Variants in CINP observed in about 807,000 individuals in gnomAD.
The protein encoded by CINP is cyclin dependent kinase 2 interacting protein.
In CINP, 11 loss-of-function variants were observed where a neutral mutation model predicts 20.5. That is an observed-to-expected ratio of 0.54 (90% CI 0.34 to 0.89). The LOEUF (loss-of-function observed/expected upper bound fraction) is 0.89. Among genes scored for constraint, CINP ranks in the 40% least tolerant of loss-of-function variants. CINP has a pLI of 0.02. For missense variants in CINP, 213 were observed against 251.0 expected (o/e 0.85, Z 1.02); for synonymous variants, 108 against 102.1 (o/e 1.06, Z -0.35).
rs1049302059 is a variant in CINP, at chr14:102,357,497, C to T, written c.177-1600G>A. Among the ~76,000 whole-genome samples the T allele has an allele frequency of 2.6e-5, 4 of 151,776 alleles. No homozygotes were observed. The Middle Eastern group carries it at 0.01, about 390-fold the overall frequency. On this transcript the variant is annotated intron_variant, in intron 2 of 4. Transcript: ENST00000216756. Reference sequence around the variant, plus strand: ...TTACTGAAGAAAATTAAAGGTGCTACTCCAGTGAACATGTGAATGATGAGT... The same window carrying T: ...TTACTGAAGAAAATTAAAGGTGCTATTCCAGTGAACATGTGAATGATGAGT...
intron 3 of CINP, among the ~76,000 whole-genome samples, chr14:102,350,988 G>A (rs1886856056): frequency 6.6e-6 from 1 of 151,972 alleles, no homozygotes; most frequent in Non-Finnish European, 1.5e-5. Flanking sequence ...ACCACGCCCA[G>A]CTAATTTGTG....
At chr14:102,348,930 T>C (rs924084390) in intron 4 of CINP, among the ~76,000 whole-genome samples, 171 bp from the exon 5 acceptor site, 2 of 152,102 alleles carry the variant, frequency 1.3e-5, no homozygotes, top group Admixed American at 1.3e-4. Context: ...TTAGTACAAT[T>C]TGATAACATG....
chr14:102,352,925 A>G (rs974369099), intron 3 of CINP, among the ~76,000 whole-genome samples: 4 of 151,914 alleles, frequency 2.6e-5, no homozygotes, highest in African/African-American at 9.7e-5. Flanking sequence ...CTGGGATTAC[A>G]GGCATGAGCC....
At chr14:102,358,292 A>G (rs1370908765) in intron 2 of CINP, among the ~76,000 whole-genome samples, 1 of 152,256 alleles carries the variant, frequency 6.6e-6, no homozygotes, top group Middle Eastern at 3.2e-3. Context: ...CCAGTGTGAG[A>G]GGTCTAATGT....
At chr14:102,356,987 A>G (rs1023455806) in intron 2 of CINP, among the ~76,000 whole-genome samples, 1 of 152,200 alleles carries the variant, frequency 6.6e-6, no homozygotes, top group Non-Finnish European at 1.5e-5. Flanking sequence ...AGAGTTGCAT[A>G]TCTCTCATTT....
At chr14:102,358,874 A>G (rs1001619695) in intron 2 of CINP, among the ~76,000 whole-genome samples, 1 of 152,124 alleles carries the variant, frequency 6.6e-6, no homozygotes, top group Admixed American at 6.6e-5. Flanking sequence ...TGAAAACCCA[A>G]TCATTATGCC....
In CINP at chr14:102,351,916, G is replaced by A. The variant is rs1233100936; in HGVS notation, c.307-1868C>T. Among the ~76,000 whole-genome samples, 7 of 151,930 alleles carry A rather than the reference G, an allele frequency of 4.6e-5. No homozygotes were observed. Among genetic ancestry groups the A allele is most frequent in the South Asian group, 2.1e-4 (1 of 4,818 alleles). Reference sequence around the variant, plus strand: ...TTTGTTTTTTTTGAGACAGAGTCTCGCTTTGTCACCCAGGCTGGAGTGCAG... The same window carrying A: ...TTTGTTTTTTTTGAGACAGAGTCTCACTTTGTCACCCAGGCTGGAGTGCAG... On this transcript the variant is annotated intron_variant, in intron 3 of 4. Coordinates refer to ENST00000216756, the MANE Select transcript of CINP (RefSeq NM_032630.3). This position sits in a 1 kb window ranked among gnomAD's most constrained non-coding sequence, Gnocchi z 4.2.
At chr14:102,359,071 G>A (rs991606182) in intron 2 of CINP, among the ~76,000 whole-genome samples, 1 of 151,602 alleles carries the variant, frequency 6.6e-6, no homozygotes, top group African/African-American at 2.4e-5. Flanking sequence ...TGTGGTGACG[G>A]GCGCCTGTAA....
intron 3 of CINP, 126 bp downstream of exon 3, chr14:102,355,642 C>T: frequency 9.5e-7 from 1 of 1,049,308 alleles, no homozygotes; most frequent in Non-Finnish European, 1.4e-6. Flanking sequence ...ACGCAGCAGG[C>T]AGAGGAAGAG....
At chr14:102,352,020 G>A (rs1018061507) in intron 3 of CINP, among the ~76,000 whole-genome samples, 2 of 152,272 alleles carry the variant, frequency 1.3e-5, no homozygotes, top group Non-Finnish European at 2.9e-5. Context: ...AAGTAGCTGG[G>A]ACTACAGGCG....
chr14:102,361,014 C>T (rs914346739), intron 1 of CINP, among the ~76,000 whole-genome samples: 2 of 152,182 alleles, frequency 1.3e-5, no homozygotes, highest in African/African-American at 4.8e-5. Context: ...TTTCATGGAA[C>T]TTACTTTCCA....
intron 4 of CINP, among the ~76,000 whole-genome samples, chr14:102,349,265 A>G (rs1183397542): frequency 5.3e-5 from 8 of 152,142 alleles, no homozygotes; most frequent in African/African-American, 1.7e-4. Context: ...AAAAAAGTAT[A>G]TATAACCTTT....
intron 2 of CINP, among the ~76,000 whole-genome samples, chr14:102,356,857 G>A (rs1567306133): frequency 2.0e-5 from 3 of 152,106 alleles, no homozygotes; most frequent in Admixed American, 1.3e-4. Context: ...CTGCTCCACT[G>A]ACCGGCTGCT....
chr14:102,348,539 C>T lies in CINP; in HGVS notation c.*18G>A, dbSNP rs369642134. ...GTGAGACGTGGAAGGAGCCAGTGTC[C>T]GCAGCCGTCTCAGGACGTCAGAGAG... On this transcript the variant is annotated 3_prime_UTR_variant, in exon 5 of 5. Coordinates refer to ENST00000216756, the MANE Select transcript of CINP (RefSeq NM_032630.3). 94 of 1,598,942 alleles carry T rather than the reference C, an allele frequency of 5.9e-5. No homozygotes were observed. The highest frequency in any genetic ancestry group is 6.8e-5 in the Admixed American group (4 of 58,766).
In CINP at chr14:102,348,396, G is replaced by A; in HGVS notation, c.*161C>T. 1 of 648,966 alleles carries A rather than the reference G, an allele frequency of 1.5e-6. No homozygotes were observed. The highest frequency in any genetic ancestry group is 2.6e-6 in the Non-Finnish European group (1 of 382,822). 40.2% of individuals were successfully genotyped at this position (648,966 alleles called of 1,614,324 possible). Reference sequence around the variant, plus strand: ...GGGGCTGGCCGCGGGTTGTGGGCATGAGCACGCCTGGAGAGGCCATGGGGC... The same window carrying A: ...GGGGCTGGCCGCGGGTTGTGGGCATAAGCACGCCTGGAGAGGCCATGGGGC... On this transcript the variant is annotated 3_prime_UTR_variant, in exon 5 of 5. Coordinates refer to ENST00000216756, the MANE Select transcript of CINP (RefSeq NM_032630.3).
chr14:102,353,329 CA>C (rs1374334266), intron 3 of CINP, among the ~76,000 whole-genome samples: 1 of 152,096 alleles, frequency 6.6e-6, no homozygotes, highest in Non-Finnish European at 1.5e-5. Flanking sequence ...AACGTCACAG[CA>C]GAGGAACCTG....
chr14:102,349,099 C>G (rs2139623596), intron 4 of CINP, among the ~76,000 whole-genome samples: 1 of 152,236 alleles, frequency 6.6e-6, no homozygotes, highest in African/African-American at 2.4e-5. Flanking sequence ...CTAAAAAATA[C>G]AAAAACTAGC....
At chr14:102,359,205 A>AAAAT (rs1567306739) in intron 2 of CINP, among the ~76,000 whole-genome samples, 1 of 126,086 alleles carries the variant, frequency 7.9e-6, no homozygotes, top group East Asian at 2.2e-4. Flanking sequence ...CATCTCCAAA[A>AAAAT]AAATAAATAA....
At chr14:102,358,269 C>T (rs926315447) in intron 2 of CINP, among the ~76,000 whole-genome samples, 1 of 152,190 alleles carries the variant, frequency 6.6e-6, no homozygotes, top group Non-Finnish European at 1.5e-5. Context: ...TATTATATAA[C>T]TTAGTTGATA....
Sources: gnomAD v4.1 joint callset for allele counts (sites outside exome capture counted in the v4.1 genomes callset) on GRCh38, gnomAD v4.1.1 for gene constraint, Gnocchi (gnomAD v3.1) non-coding constraint, MANE v1.5 for transcripts, NCBI Gene and HGNC (gene_info 2026-07-23, HGNC 2026-07-21) for gene names.